The following FBL variants were observed in gnomAD, a reference collection of about 807,000 sequenced individuals.
FBL encodes the protein rRNA 2'-O-methyltransferase fibrillarin.
FBL carries 10 observed loss-of-function variants against 42.2 expected under a neutral mutation model. The ratio of observed to expected loss-of-function variants is 0.24; its 90% CI spans 0.15 to 0.40. The LOEUF (loss-of-function observed/expected upper bound fraction) is 0.40, where lower values mean the gene tolerates loss of function less well. FBL is among the 10% of genes least tolerant of loss of function. The pLI is 1.00. For synonymous variants in FBL, 165 were observed against 165.4 expected, an observed-to-expected ratio of 1.00 and a Z score of 0.02; for missense variants, 351 against 439.2, an observed-to-expected ratio of 0.80 and a Z score of 1.79.
intron 5 of FBL, chr19:39,838,831 T>C: frequency 1.8e-6 from 1 of 549,676 alleles, no homozygotes; most frequent in Non-Finnish European, 3.2e-6. Context: ...CACCCACGTC[T>C]CTTCCCTTGA....
chr19:39,836,935 G>A (rs966393504), intron 6 of FBL, among the ~76,000 whole-genome samples: 5 of 152,226 alleles, frequency 3.3e-5, no homozygotes, highest in African/African-American at 1.2e-4. Flanking sequence ...ACATAGAGAC[G>A]AGTCAGACCC....
intron 1 of FBL, among the ~76,000 whole-genome samples, chr19:39,845,651 G>A (rs1443703111): frequency 6.6e-6 from 1 of 152,154 alleles, no homozygotes; most frequent in African/African-American, 2.4e-5. Flanking sequence ...AGCTTGTTAA[G>A]TCTCGTCCCG....
At position 39,834,527 on chromosome 19, in the gene FBL, A is replaced by G. The variant is rs779293864; in HGVS notation, c.*11T>C. On this transcript the variant is annotated 3_prime_UTR_variant, in exon 9 of 9. Transcript: ENST00000221801. ...AACACACATCTCTCGCAATCCTGACAGCGCTGAACTTCAGTTCTTCACCTT... is the reference window on the plus strand; with the variant it reads ...AACACACATCTCTCGCAATCCTGACGGCGCTGAACTTCAGTTCTTCACCTT... The G allele has an allele frequency of 1.9e-6, 3 of 1,614,038 alleles. No individual in the cohort carries two copies. Among genetic ancestry groups the G allele is most frequent in the African/African-American group, 1.3e-5 (1 of 74,914 alleles).
At position 39,839,209 on chromosome 19, in the gene FBL, G is replaced by C; in HGVS notation, c.379-4C>G. 1 of 1,607,342 alleles carries C rather than the reference G, an allele frequency of 6.2e-7. No individual in the cohort carries two copies. Among genetic ancestry groups the C allele is most frequent in the Non-Finnish European group, 8.5e-7 (1 of 1,176,182 alleles). ...ACTCAATTTTGTCATCTCCTTCCTAGATGAGAGATGGGGACAGAAGTCAGT... is the reference window on the plus strand; with the variant it reads ...ACTCAATTTTGTCATCTCCTTCCTACATGAGAGATGGGGACAGAAGTCAGT... On this transcript the variant is annotated splice_polypyrimidine_tract_variant and splice_region_variant and intron_variant, in intron 4 of 8. Coordinates refer to ENST00000221801, the MANE Select transcript of FBL (RefSeq NM_001436.4).
At chr19:39,838,958 G>T in intron 5 of FBL, 77 bp downstream of exon 5, 1 of 1,381,924 alleles carries the variant, frequency 7.2e-7, no homozygotes, top group Non-Finnish European at 1.0e-6. Flanking sequence ...CAGGCAAGCA[G>T]TCAAACCCTG....
intron 7 of FBL, among the ~76,000 whole-genome samples, chr19:39,835,693 A>C (rs1385954294): frequency 5.3e-5 from 8 of 152,228 alleles, no homozygotes; most frequent in Non-Finnish European, 5.9e-5. Context: ...TGGGAGCCTG[A>C]GACAGGCAGA....
chr19:39,839,732 A>T (rs1411593101), intron 4 of FBL, among the ~76,000 whole-genome samples: 1 of 152,096 alleles, frequency 6.6e-6, no homozygotes, highest in Non-Finnish European at 1.5e-5. Context: ...CATTCAAGTT[A>T]TCTGAGGAAG....
intron 6 of FBL, 57 bp from the exon 7 acceptor site, chr19:39,836,725 TC>T: frequency 7.5e-7 from 1 of 1,338,910 alleles, no homozygotes; most frequent in Non-Finnish European, 1.1e-6. Context: ...CCCCAGATCC[TC>T]CCATGGGGCC....
At position 39,834,705 on chromosome 19, in the gene FBL, A is replaced by G. The variant is rs147012903; in HGVS notation, c.904T>C (p.Tyr302His). 1 of 1,614,084 alleles carries G rather than the reference A, an allele frequency of 6.2e-7. No individual in the cohort carries two copies. Among genetic ancestry groups the G allele is most frequent in the Non-Finnish European group, 8.5e-7 (1 of 1,180,026 alleles). The stretch of plus-strand genomic sequence containing the variant: ...ACGACCACGGCATGGTCTCTTTCAT[A>G]TGGCTCAAGGGTCAACTGCTCCTGC... Reference protein sequence around the residue: ...KPQEQLTLEPYERDHAVVVGV... With the variant: ...KPQEQLTLEPHERDHAVVVGV... The change falls in exon 8 of 9, where the codon TAT (tyrosine) becomes CAT (histidine). Residue 302 changes from tyrosine (Y) to histidine (H), a missense_variant. Transcript: ENST00000221801.
chr19:39,838,999 T>A, intron 5 of FBL, 36 bp downstream of exon 5: 1 of 1,573,448 alleles, frequency 6.4e-7, no homozygotes, highest in African/African-American at 1.3e-5. Context: ...GGAGGCAGCC[T>A]TTACCTCCTG....
In FBL at chr19:39,840,200, C is replaced by A; in HGVS notation, c.378+33G>T. ...CTACTGGCTACACCCTCAGCTGCGA[C>A]CCTGGTGGCTTGGACAGGGGCCCAG... On this transcript the variant is annotated intron_variant, in intron 4 of 8. Transcript: ENST00000221801. This position sits in a 1 kb window ranked among gnomAD's most constrained non-coding sequence, Gnocchi z 4.5. 1.3e-6 allele frequency: 2 copies of A among 1,512,034 alleles called. No individual in the cohort carries two copies. The highest frequency in any genetic ancestry group is 1.1e-5 in the South Asian group (1 of 88,920). The allele number at this position is 1,512,034 out of a possible 1,614,324, so 93.7% of individuals were successfully genotyped here.
At chr19:39,837,088 G>A (rs1969063631) in intron 6 of FBL, among the ~76,000 whole-genome samples, 1 of 152,178 alleles carries the variant, frequency 6.6e-6, no homozygotes, top group African/African-American at 2.4e-5. Flanking sequence ...AAAGGGGATG[G>A]TATGAGTGCA....
intron 5 of FBL, 112 bp downstream of exon 5, chr19:39,838,923 G>T: frequency 1.1e-6 from 1 of 922,144 alleles, no homozygotes; most frequent in Non-Finnish European, 1.7e-6. Context: ...TGACAGAAAA[G>T]GGCCTGGCCC....
At chr19:39,842,701 T>C (rs1163314368) in intron 1 of FBL, among the ~76,000 whole-genome samples, 3 of 152,174 alleles carry the variant, frequency 2.0e-5, no homozygotes, top group Admixed American at 6.5e-5. Context: ...TAAAAAGTCC[T>C]TTCCCTGGCT....
intron 4 of FBL, among the ~76,000 whole-genome samples, chr19:39,839,720 G>A (rs568613218): frequency 3.1e-4 from 47 of 152,188 alleles, no homozygotes; most frequent in African/African-American, 1.1e-3. Context: ...GAGGCAAGGG[G>A]CCATTCAAGT....
At position 39,837,636 on chromosome 19, in the gene FBL, A is replaced by G; in HGVS notation, c.682+75T>C. On this transcript the variant is annotated intron_variant, in intron 6 of 8. Transcript: ENST00000221801. ...CATCCACTCCAACTCCATCCGAATC[A>G]GAGATCCACTGGCTTCTTCCAGAAG... 12 of 1,343,236 alleles carry G rather than the reference A, an allele frequency of 8.9e-6. No homozygotes were observed. In the South Asian group the frequency reaches 1.7e-4, roughly 19 times the overall value. The allele number at this position is 1,343,236 out of a possible 1,614,324, so 83.2% of individuals were successfully genotyped here. A position where few individuals can be genotyped will look rare whatever the true frequency, so the allele number is the denominator to read the frequency against.
At position 39,839,148 on chromosome 19, in the gene FBL, C is replaced by T. The variant is rs768031940; in HGVS notation, c.436G>A (p.Ala146Thr). 1 of 1,613,946 alleles carries T rather than the reference C, an allele frequency of 6.2e-7. No homozygotes were observed. Among genetic ancestry groups the T allele is most frequent in the Non-Finnish European group, 8.5e-7 (1 of 1,179,980 alleles). The change falls in exon 5 of 9, where the codon GCA (alanine) becomes ACA (threonine). Residue 146 changes from alanine to threonine, a missense_variant. By Grantham distance (58) the Ala-to-Thr change is moderately conservative. Coordinates refer to ENST00000221801, the MANE Select transcript of FBL (RefSeq NM_001436.4). ...TGGTCCACACCACCCAGGATTGCTG[C>T]TGCTAGCTTGGAGCGGAAGGGGTTC... is the stretch of plus-strand genomic sequence containing the variant. The part of the protein sequence containing the change: ...AWNPFRSKLA[A>T]AILGGVDQIH...
At position 39,834,821 on chromosome 19, in the gene FBL, G is replaced by A; in HGVS notation, c.796-8C>T. 1 of 1,614,162 alleles carries A rather than the reference G, an allele frequency of 6.2e-7. No homozygotes were observed. Among genetic ancestry groups the A allele is most frequent in the Non-Finnish European group, 8.5e-7 (1 of 1,180,020 alleles). ...GGAGTCAATGCAGTTGGCCTAAAGA[G>A]GAGAAAGGACTAATGTCTACAACAG... is the stretch of plus-strand genomic sequence containing the variant. On this transcript the variant is annotated splice_region_variant and splice_polypyrimidine_tract_variant and intron_variant, in intron 7 of 8. Coordinates refer to ENST00000221801, the MANE Select transcript of FBL (RefSeq NM_001436.4).
intron 6 of FBL, among the ~76,000 whole-genome samples, chr19:39,837,280 A>T (rs1969067713): frequency 6.6e-6 from 1 of 152,220 alleles, no homozygotes; most frequent in African/African-American, 2.4e-5. Flanking sequence ...AGGCTTTTCA[A>T]CTTTTATATT....
Sources: allele counts gnomAD v4.1 joint callset (sites outside exome capture counted in the v4.1 genomes callset), GRCh38; gene constraint gnomAD v4.1.1; non-coding constraint Gnocchi (gnomAD v3.1); transcripts MANE v1.5; gene names NCBI Gene and HGNC (gene_info 2026-07-23, HGNC 2026-07-21).